Variants in CERS3 observed in about 807,000 individuals in gnomAD.
CERS3 encodes the protein ceramide synthase 3.
CERS3 carries 33 observed loss-of-function variants against 50.3 expected under a neutral mutation model. The ratio of observed to expected loss-of-function variants is 0.66; its 90% CI spans 0.50 to 0.88. The LOEUF is 0.88. Among genes scored for constraint, CERS3 ranks in the 40% least tolerant of loss-of-function variants. CERS3 has a pLI of 0.00. For synonymous variants in CERS3, 176 were observed against 155.2 expected (o/e 1.13, Z -0.99); for missense variants, 470 against 460.3 (o/e 1.02, Z -0.19).
chr15:100,516,245 ACC>A (rs2036484279), intron 2 of CERS3, among the ~76,000 whole-genome samples: 1 of 152,192 alleles, frequency 6.6e-6, no homozygotes, highest in Admixed American at 6.5e-5. Flanking sequence ...AAAATAACAA[ACC>A]AAAATGAGTG....
At chr15:100,463,233 G>T (rs142551556) in intron 10 of CERS3, among the ~76,000 whole-genome samples, 1 of 151,772 alleles carries the variant, frequency 6.6e-6, no homozygotes, top group East Asian at 1.9e-4. Flanking sequence ...TCAAGAGATC[G>T]AGACCATCCT....
chr15:100,518,609 T>C (rs1377679267), intron 2 of CERS3, among the ~76,000 whole-genome samples: 1 of 152,236 alleles, frequency 6.6e-6, no homozygotes, highest in African/African-American at 2.4e-5. Flanking sequence ...AATATGCATT[T>C]ACACAATTTT....
At chr15:100,497,458 T>C (rs1300561620) in intron 3 of CERS3, among the ~76,000 whole-genome samples, 1 of 151,770 alleles carries the variant, frequency 6.6e-6, no homozygotes, top group Non-Finnish European at 1.5e-5. Flanking sequence ...AAAACATCCA[T>C]TTTTTTTCTC....
At chr15:100,477,199 G>A (rs1241657444) in intron 7 of CERS3, among the ~76,000 whole-genome samples, 1 of 152,158 alleles carries the variant, frequency 6.6e-6, no homozygotes, top group Admixed American at 6.6e-5. Flanking sequence ...ATGTACCAAC[G>A]GATAACTGAT....
At chr15:100,479,537 G>A in intron 6 of CERS3, 59 bp from the exon 7 acceptor site, 1 of 1,340,630 alleles carries the variant, frequency 7.5e-7, no homozygotes, top group Non-Finnish European at 1.0e-6. Context: ...CGGTGTCAAA[G>A]GTCAATTTTG....
chr15:100,469,406 T>G lies in CERS3; in HGVS notation c.817A>C (p.Ile273Leu). 2.5e-6 allele frequency: 4 copies of G among 1,613,892 alleles called. No individual in the cohort carries two copies. The highest frequency in any genetic ancestry group is 3.4e-6 in the Non-Finnish European group (4 of 1,179,860). ...AAAGGAAAAACAATGAGGCGGCTGA[T>G]GAAAAATATGGTGGAGAAGATGAAA... is the stretch of plus-strand genomic sequence containing the variant. ...LFFIFSTIFF[I>L]SRLIVFPFWI... The change falls in exon 10 of 12, where the codon ATC becomes CTC. Residue 273 changes from isoleucine (I) to leucine (L), a missense_variant. Ile to Leu is a conservative substitution (Grantham distance 5). Transcript: ENST00000679737.
chr15:100,509,929 C>A (rs7182215), intron 2 of CERS3, among the ~76,000 whole-genome samples: 149,445 of 152,272 alleles, frequency 0.98, 73,396 homozygotes, highest in Middle Eastern at 1. Flanking sequence ...TATTAGTTGT[C>A]AAACAATTCT....
At chr15:100,423,183 GT>G (rs2032575789) in intron 11 of CERS3, among the ~76,000 whole-genome samples, 1 of 152,080 alleles carries the variant, frequency 6.6e-6, no homozygotes, top group African/African-American at 2.4e-5. Context: ...ATGTGAATTA[GT>G]TTGGCCACTG....
intron 1 of CERS3, among the ~76,000 whole-genome samples, chr15:100,534,369 A>G (rs192746977): frequency 2.0e-5 from 3 of 152,296 alleles, no homozygotes; most frequent in East Asian, 1.9e-4. Context: ...ACAGAGTTGT[A>G]AAAACATTGA....
At chr15:100,500,952 C>G (rs2142327279) in intron 3 of CERS3, among the ~76,000 whole-genome samples, 1 of 152,172 alleles carries the variant, frequency 6.6e-6, no homozygotes, top group South Asian at 2.1e-4. Flanking sequence ...TCTCTTTGCT[C>G]CAAATAAATT....
rs115381060 is a variant in CERS3, at chr15:100,540,714, G to A, written c.-355+3937C>T. The stretch of plus-strand genomic sequence containing the variant: ...GTGGCACACGTGTACCTATGTGCGC[G>A]TACAGGTATGTGTTCTGACTCCAGT... On this transcript the variant is annotated intron_variant, in intron 1 of 12. Coordinates refer to the CERS3 transcript ENST00000284382. 4.5e-3 allele frequency among the ~76,000 whole-genome samples: 679 copies of A among 152,294 alleles called. 8 individuals carry two copies. The highest frequency in any genetic ancestry group is 0.015 in the African/African-American group (638 of 41,574).
chr15:100,466,857 T>TTCGC (rs2034759106), intron 10 of CERS3, among the ~76,000 whole-genome samples: 1 of 68,308 alleles, frequency 1.5e-5, no homozygotes, highest in Admixed American at 1.5e-4. Flanking sequence ...CTTTCTCTCT[T>TTCGC]TCTTTCTTTC....
intron 2 of CERS3, among the ~76,000 whole-genome samples, chr15:100,517,720 C>G (rs1375778890): frequency 1.3e-5 from 2 of 152,058 alleles, no homozygotes; most frequent in African/African-American, 4.8e-5. Context: ...TGTTGTACAG[C>G]CTACAGCCCC....
chr15:100,518,901 T>C (rs2036566135), intron 2 of CERS3, among the ~76,000 whole-genome samples: 2 of 152,190 alleles, frequency 1.3e-5, no homozygotes, highest in Non-Finnish European at 2.9e-5. Context: ...TGGTGGCTCA[T>C]GCCTGTAATC....
intron 11 of CERS3, among the ~76,000 whole-genome samples, chr15:100,416,190 C>A (rs1191431572): frequency 6.6e-6 from 1 of 152,146 alleles, no homozygotes; most frequent in East Asian, 1.9e-4. Context: ...TAATCCTAAG[C>A]AAAATGAACA....
rs1451343583 is a variant in CERS3 at position 100,514,604 on chromosome 15, A to G, written c.-2+7063T>C. The stretch of plus-strand genomic sequence containing the variant: ...CAGAATGTTTAAGCACATTTGAAAT[A>G]TTAACTCCAGATAATAATATCCAGC... On this transcript the variant is annotated intron_variant, in intron 2 of 11. Transcript: ENST00000679737. Among the ~76,000 whole-genome samples the G allele has an allele frequency of 2.6e-5, 4 of 152,328 alleles. 1 individual carries two copies. The highest frequency in any genetic ancestry group is 9.6e-5 in the African/African-American group (4 of 41,582).
chr15:100,458,803 C>T lies in CERS3; in HGVS notation c.846-2757G>A, dbSNP rs968081453. 1.7e-4 allele frequency among the ~76,000 whole-genome samples: 26 copies of T among 152,202 alleles called. 1 individual carries two copies. The highest frequency in any genetic ancestry group is 9.8e-4 in the Admixed American group (15 of 15,288). On this transcript the variant is annotated intron_variant, in intron 10 of 11. Coordinates refer to ENST00000679737, the MANE Select transcript of CERS3 (RefSeq NM_001378789.1). Reference sequence around the variant, plus strand: ...CCTATCACCACATGCTTTTATGTAACGAGGTGATCACTACCTATGTGTGAT... The same window carrying T: ...CCTATCACCACATGCTTTTATGTAATGAGGTGATCACTACCTATGTGTGAT...
intron 10 of CERS3, among the ~76,000 whole-genome samples, chr15:100,463,549 T>G (rs189529974): frequency 2.6e-4 from 40 of 151,976 alleles, no homozygotes; most frequent in Middle Eastern, 3.4e-3. Context: ...AGAGGGGTGA[T>G]TGTTGTAGCT....
rs187772446 is a variant in CERS3 at position 100,541,988 on chromosome 15, C to T, written c.-355+2663G>A. 5.4e-3 allele frequency among the ~76,000 whole-genome samples: 820 copies of T among 152,248 alleles called. 10 individuals carry two copies. The highest frequency in any genetic ancestry group is 0.025 in the South Asian group (118 of 4,816). On this transcript the variant is annotated intron_variant, in intron 1 of 12. Coordinates refer to the CERS3 transcript ENST00000284382. ...AGTAACCATTAGAGGATAAATGGTA[C>T]ACCAGGAAATTATTTCCTAGAAATA...
Sources: allele counts gnomAD v4.1 joint callset (sites outside exome capture counted in the v4.1 genomes callset), GRCh38; gene constraint gnomAD v4.1.1; transcripts MANE v1.5; gene names NCBI Gene and HGNC (gene_info 2026-07-23, HGNC 2026-07-21).